The following ATP6V1A variants were observed in gnomAD, a reference collection of about 807,000 sequenced individuals.
The protein encoded by ATP6V1A is V-type proton ATPase catalytic subunit A.
A neutral mutation model predicts 70.1 loss-of-function variants in ATP6V1A; 18 were observed. The ratio of observed to expected loss-of-function variants is 0.26; its 90% confidence interval spans 0.18 to 0.38. The LOEUF (loss-of-function observed/expected upper bound fraction) is 0.38, where lower values mean the gene tolerates loss of function less well. ATP6V1A is among the 10% of genes least tolerant of loss of function. ATP6V1A has a pLI of 1.00. For synonymous variants in ATP6V1A, 232 were observed against 253.8 expected (o/e 0.91, Z 0.82); for missense variants, 424 against 772.4 (o/e 0.55, Z 5.35).
At chr3:113,761,742 A>C (rs1708707541) in intron 1 of ATP6V1A, among the ~76,000 whole-genome samples, 1 of 146,036 alleles carries the variant, frequency 6.8e-6, no homozygotes, top group Non-Finnish European at 1.5e-5. Context: ...GTCTCAAAAA[A>C]AAAAAAGTTT....
intron 1 of ATP6V1A, among the ~76,000 whole-genome samples, chr3:113,754,086 T>A (rs548018720): frequency 1.3e-5 from 2 of 152,328 alleles, no homozygotes; most frequent in East Asian, 3.9e-4. Flanking sequence ...CATAGTAACA[T>A]ATTTATATAA....
At chr3:113,775,972 C>T (rs372685013) in intron 1 of ATP6V1A, among the ~76,000 whole-genome samples, 18 of 152,144 alleles carry the variant, frequency 1.2e-4, no homozygotes, top group South Asian at 2.1e-4. Context: ...GTTTCTAGAA[C>T]GTCTTGTTCT....
intron 1 of ATP6V1A, among the ~76,000 whole-genome samples, chr3:113,757,919 GT>G (rs1559748601): frequency 6.6e-6 from 1 of 152,212 alleles, no homozygotes; most frequent in Non-Finnish European, 1.5e-5. Flanking sequence ...GCCAAGGTGG[GT>G]GGATCACGAG....
At chr3:113,809,278 A>G (rs1709314706) in intron 14 of ATP6V1A, 57 bp from the exon 15 acceptor site, 1 of 1,482,982 alleles carries the variant, frequency 6.7e-7, no homozygotes, top group Non-Finnish European at 9.3e-7. Context: ...GTAACTTAAC[A>G]TACGTAATGA....
At chr3:113,786,541 CTTA>C (rs1352108070) in intron 6 of ATP6V1A, among the ~76,000 whole-genome samples, 158 bp downstream of exon 6, 75 of 152,086 alleles carry the variant, frequency 4.9e-4, no homozygotes, top group Non-Finnish European at 7.4e-5. Flanking sequence ...ATTGCTAGCA[CTTA>C]TTATAAATTC....
At position 113,805,505 on chromosome 3, in the gene ATP6V1A, C is replaced by T; in HGVS notation, c.1741C>T (p.Leu581Phe). 6.2e-7 allele frequency: 1 copy of T among 1,610,434 alleles called. No individual in the cohort carries two copies. Among genetic ancestry groups the T allele is most frequent in the Non-Finnish European group, 8.5e-7 (1 of 1,178,816 alleles). ...GCACATGGGAGACATCCTCTATAAA[C>T]TTTCCTCCATGAAATTCAAGGTATA... ...REHMGDILYKLSSMKFKDPLK... is the reference protein window; with the variant it reads ...REHMGDILYKFSSMKFKDPLK... The change falls in exon 14 of 15, where the codon CTT becomes TTT. Residue 581 changes from leucine to phenylalanine, a missense_variant. Leu to Phe is a conservative substitution (Grantham distance 22). Coordinates refer to ENST00000273398, the MANE Select transcript of ATP6V1A (RefSeq NM_001690.4).
chr3:113,764,310 G>A (rs1235389739), intron 1 of ATP6V1A, among the ~76,000 whole-genome samples: 1 of 152,156 alleles, frequency 6.6e-6, no homozygotes, highest in Non-Finnish European at 1.5e-5. Flanking sequence ...GTACGCAGTA[G>A]AGAGAGTTAT....
chr3:113,806,784 T>C (rs755590781), intron 14 of ATP6V1A, among the ~76,000 whole-genome samples: 4 of 152,160 alleles, frequency 2.6e-5, no homozygotes, highest in Non-Finnish European at 5.9e-5. Context: ...AAGTGGCCTC[T>C]TGTTCTTTTG....
intron 1 of ATP6V1A, among the ~76,000 whole-genome samples, chr3:113,776,134 A>C (rs1231339611): frequency 6.6e-6 from 1 of 152,138 alleles, no homozygotes; most frequent in Admixed American, 6.6e-5. Flanking sequence ...CGAGGCAGGC[A>C]GATCACTTGA....
intron 3 of ATP6V1A, 67 bp downstream of exon 3, chr3:113,781,245 T>TA: frequency 6.6e-7 from 1 of 1,512,202 alleles, no homozygotes; most frequent in South Asian, 1.3e-5. Context: ...AGGCCAGGCA[T>TA]AGTGCCTCAC....
chr3:113,753,437 T>C (rs1420314247), intron 1 of ATP6V1A, among the ~76,000 whole-genome samples: 1 of 152,200 alleles, frequency 6.6e-6, no homozygotes, highest in Non-Finnish European at 1.5e-5. Context: ...TAACTCCATG[T>C]AATCTTTTCC....
chr3:113,767,825 G>T (rs1054345384), intron 1 of ATP6V1A, among the ~76,000 whole-genome samples: 1 of 152,018 alleles, frequency 6.6e-6, no homozygotes, highest in Non-Finnish European at 1.5e-5. Context: ...TAATGTTTTT[G>T]TATTTTTAGT....
chr3:113,794,392 A>G (rs1199731942), intron 8 of ATP6V1A, among the ~76,000 whole-genome samples: 1 of 152,228 alleles, frequency 6.6e-6, no homozygotes, highest in East Asian at 1.9e-4. Context: ...TGTGCATTAT[A>G]TTAGGGCCAG....
At chr3:113,778,335 A>G (rs190836875) in intron 1 of ATP6V1A, among the ~76,000 whole-genome samples, 1 of 152,314 alleles carries the variant, frequency 6.6e-6, no homozygotes, top group African/African-American at 2.4e-5. Flanking sequence ...CAGAGGTTGC[A>G]GTGAGCAGAG....
chr3:113,754,552 A>G (rs1333329464), intron 1 of ATP6V1A, among the ~76,000 whole-genome samples: 2 of 152,034 alleles, frequency 1.3e-5, no homozygotes, highest in East Asian at 3.9e-4. Context: ...GAAAAAAAAA[A>G]AGAAAAGAAA....
intron 1 of ATP6V1A, among the ~76,000 whole-genome samples, chr3:113,756,214 A>G (rs1396777689): frequency 6.6e-6 from 1 of 152,236 alleles, no homozygotes; most frequent in African/African-American, 2.4e-5. Flanking sequence ...GATTGCTGCC[A>G]TAATACCGCT....
At chr3:113,785,388 T>C (rs1016771012) in intron 5 of ATP6V1A, among the ~76,000 whole-genome samples, 2 of 151,868 alleles carry the variant, frequency 1.3e-5, no homozygotes, top group Non-Finnish European at 2.9e-5. Flanking sequence ...TGCAGTGAGC[T>C]GAGATCGTGC....
intron 11 of ATP6V1A, among the ~76,000 whole-genome samples, chr3:113,796,628 A>G (rs914879078): frequency 1.3e-5 from 2 of 152,152 alleles, no homozygotes; most frequent in African/African-American, 4.8e-5. Flanking sequence ...AAAGATGTGT[A>G]CAAATCAGAG....
At chr3:113,794,791 T>G in intron 8 of ATP6V1A, 81 bp from the exon 9 acceptor site, 1 of 1,485,312 alleles carries the variant, frequency 6.7e-7, no homozygotes, top group Non-Finnish European at 9.0e-7. Flanking sequence ...CTTATTGCTT[T>G]AAGGTTTTCT....
Sources: allele counts gnomAD v4.1 joint callset (sites outside exome capture counted in the v4.1 genomes callset), GRCh38; gene constraint gnomAD v4.1.1; transcripts MANE v1.5; gene names NCBI Gene and HGNC (gene_info 2026-07-23, HGNC 2026-07-21).